The following TASP1 variants were observed in gnomAD, a reference collection of about 807,000 sequenced individuals.
TASP1 encodes threonine aspartase 1.
TASP1 carries 16 observed loss-of-function variants against 56.6 expected under a neutral mutation model. That is an observed-to-expected ratio of 0.28 (90% CI 0.19 to 0.43). TASP1 has a LOEUF of 0.43. TASP1 is among the 20% of genes least tolerant of loss of function. The pLI is 1.00. For missense variants in TASP1, 393 were observed against 511.6 expected (o/e 0.77, Z 2.24); for synonymous variants, 179 against 184.2 (o/e 0.97, Z 0.23).
chr20:13,264,499 T>C, the TASP1 span, among the ~76,000 whole-genome samples: 2 of 152,176 alleles, frequency 1.3e-5, no homozygotes, highest in African/African-American at 4.8e-5. Context: ...CTTCCTCCTA[T>C]TGTAGTGCTC....
the TASP1 span, among the ~76,000 whole-genome samples, chr20:13,335,604 T>G: frequency 6.6e-6 from 1 of 151,552 alleles, no homozygotes; most frequent in East Asian, 1.9e-4. Flanking sequence ...ATGTAGGAAT[T>G]AATAAAAAAT....
At chr20:13,339,232 G>T in the TASP1 span, among the ~76,000 whole-genome samples, 5 of 152,294 alleles carry the variant, frequency 3.3e-5, no homozygotes, top group African/African-American at 9.6e-5. Context: ...CCCAAGAGAA[G>T]AGTCTGGACT....
intron 7 of TASP1, among the ~76,000 whole-genome samples, chr20:13,568,395 T>G (rs1274337733): frequency 2.0e-5 from 3 of 152,186 alleles, no homozygotes; most frequent in Non-Finnish European, 4.4e-5. Context: ...TATTCACAGA[T>G]TTCAGTGATA....
At chr20:13,159,389 C>T in the TASP1 span, among the ~76,000 whole-genome samples, 1 of 152,090 alleles carries the variant, frequency 6.6e-6, no homozygotes, top group East Asian at 1.9e-4. Context: ...ACATATGAAA[C>T]AATCAGGAGA....
the TASP1 span, chr20:13,160,067 C>T: frequency 6.2e-7 from 1 of 1,613,698 alleles, no homozygotes; most frequent in Non-Finnish European, 8.5e-7. Context: ...TCCAGCCACT[C>T]CCCTCGCAGA....
chr20:13,201,467 G>A, the TASP1 span, among the ~76,000 whole-genome samples: 1 of 151,920 alleles, frequency 6.6e-6, no homozygotes, highest in Non-Finnish European at 1.5e-5. Flanking sequence ...TTTGCATTAT[G>A]CCTATCATAA....
At chr20:13,487,052 A>C (rs1237163097) in intron 10 of TASP1, among the ~76,000 whole-genome samples, 2 of 152,212 alleles carry the variant, frequency 1.3e-5, no homozygotes, top group Non-Finnish European at 1.5e-5. Flanking sequence ...CTCTATTCAC[A>C]GATGATATAA....
At chr20:13,398,013 G>A (rs2041606055) in intron 13 of TASP1, among the ~76,000 whole-genome samples, 1 of 152,034 alleles carries the variant, frequency 6.6e-6, no homozygotes, top group Non-Finnish European at 1.5e-5. Context: ...TGTCATTTAT[G>A]GTCTTCTGGT....
At chr20:13,618,950 C>T (rs1254510783) in intron 4 of TASP1, among the ~76,000 whole-genome samples, 5 of 152,044 alleles carry the variant, frequency 3.3e-5, no homozygotes, top group Admixed American at 2.6e-4. Context: ...TCACTGCCAA[C>T]CTCTGCCTCC....
intron 6 of TASP1, among the ~76,000 whole-genome samples, chr20:13,579,371 AT>A (rs879806486): frequency 3.2e-3 from 467 of 145,244 alleles, no homozygotes; most frequent in East Asian, 0.014. Context: ...CAAGTGTAAG[AT>A]TTTTTTTTTT....
chr20:13,159,422 T>A, the TASP1 span, among the ~76,000 whole-genome samples: 1 of 152,166 alleles, frequency 6.6e-6, no homozygotes, highest in East Asian at 1.9e-4. Context: ...TTATCTCTGA[T>A]TTGATGGAAA....
chr20:13,249,094 A>G, the TASP1 span, among the ~76,000 whole-genome samples: 3 of 152,126 alleles, frequency 2.0e-5, no homozygotes, highest in African/African-American at 4.8e-5. Flanking sequence ...TCCAAATATT[A>G]CTCATTGTTG....
intron 10 of TASP1, among the ~76,000 whole-genome samples, chr20:13,522,400 A>T (rs2146812577): frequency 6.6e-6 from 1 of 152,308 alleles, no homozygotes; most frequent in South Asian, 2.1e-4. Context: ...GTGGCCATTA[A>T]CGTGCTGAGA....
the TASP1 span, among the ~76,000 whole-genome samples, chr20:13,175,990 GA>G: frequency 6.6e-6 from 1 of 152,124 alleles, no homozygotes; most frequent in African/African-American, 2.4e-5. Context: ...GACTGGTTTG[GA>G]AAACAGAACT....
the TASP1 span, among the ~76,000 whole-genome samples, chr20:13,173,666 G>C: frequency 1.2e-3 from 186 of 152,182 alleles, 1 homozygote; most frequent in South Asian, 2.5e-3. Flanking sequence ...GAAAACAGAG[G>C]TGATAGGTTT....
chr20:13,427,481 A>G (rs1431099243), intron 12 of TASP1, among the ~76,000 whole-genome samples: 1 of 152,242 alleles, frequency 6.6e-6, no homozygotes, highest in African/African-American at 2.4e-5. Flanking sequence ...ATGTGAGAAC[A>G]TGCGGAAATT....
chr20:13,472,626 A>G (rs1272658075), intron 11 of TASP1, among the ~76,000 whole-genome samples: 1 of 150,970 alleles, frequency 6.6e-6, no homozygotes, highest in Non-Finnish European at 1.5e-5. Context: ...AAGAACTTAA[A>G]CAAATTTACA....
chr20:13,526,399 G>A (rs2044980086), intron 10 of TASP1, among the ~76,000 whole-genome samples: 1 of 152,062 alleles, frequency 6.6e-6, no homozygotes, highest in African/African-American at 2.4e-5. Context: ...ATTAGTCTTT[G>A]CTTTGTTCAA....
the TASP1 span, among the ~76,000 whole-genome samples, chr20:13,291,790 G>C: frequency 6.6e-6 from 1 of 152,156 alleles, no homozygotes; most frequent in Non-Finnish European, 1.5e-5. Flanking sequence ...GCTAGACAAA[G>C]AATGAGCTAG....
Sources: gnomAD v4.1 joint callset for allele counts (sites outside exome capture counted in the v4.1 genomes callset) on GRCh38, gnomAD v4.1.1 for gene constraint, MANE v1.5 for transcripts, NCBI Gene and HGNC (gene_info 2026-07-23, HGNC 2026-07-21) for gene names.